Variants in RNF149 observed in about 807,000 individuals in gnomAD.
RNF149 encodes ring finger protein 149.
A neutral mutation model predicts 39.0 loss-of-function variants in RNF149; 21 were observed. The ratio of observed to expected loss-of-function variants is 0.54; its 90% CI spans 0.38 to 0.77. The LOEUF is 0.77. Ranked by LOEUF, RNF149 falls within the 30% of genes least tolerant of loss-of-function variation. The pLI is 0.00. For synonymous variants in RNF149, 209 were observed against 213.6 expected, an observed-to-expected ratio of 0.98 and a Z score of 0.19; for missense variants, 493 against 534.9, an observed-to-expected ratio of 0.92 and a Z score of 0.77.
At chr2:101,279,894 C>T (rs973201849) in intron 6 of RNF149, among the ~76,000 whole-genome samples, 8 of 152,152 alleles carry the variant, frequency 5.3e-5, no homozygotes, top group South Asian at 2.1e-4. Context: ...CCTGAAGCAT[C>T]GATTCTTCCC....
chr2:101,297,298 T>C (rs758373922), intron 1 of RNF149, among the ~76,000 whole-genome samples: 20 of 152,112 alleles, frequency 1.3e-4, no homozygotes, highest in Non-Finnish European at 2.2e-4. Context: ...ATAAGAGTAA[T>C]AGAAAAACAA....
chr2:101,305,916 T>C (rs1683640475), intron 1 of RNF149, among the ~76,000 whole-genome samples: 1 of 152,230 alleles, frequency 6.6e-6, no homozygotes, highest in South Asian at 2.1e-4. Context: ...CACTGAGCTG[T>C]GTGGGCTGTG....
At chr2:101,280,425 T>C (rs1319862871) in intron 6 of RNF149, among the ~76,000 whole-genome samples, 1 of 152,164 alleles carries the variant, frequency 6.6e-6, no homozygotes, top group Non-Finnish European at 1.5e-5. Flanking sequence ...GTGTTTAAGA[T>C]GTTTAAGATT....
downstream of RNF149, among the ~76,000 whole-genome samples, chr2:101,274,216 C>T (rs1682246847): frequency 6.6e-6 from 1 of 152,166 alleles, no homozygotes; most frequent in Non-Finnish European, 1.5e-5. Flanking sequence ...CACATGCTTG[C>T]AATCCAACCA....
chr2:101,296,930 C>G (rs1422101862), intron 1 of RNF149, among the ~76,000 whole-genome samples: 1 of 152,090 alleles, frequency 6.6e-6, no homozygotes, highest in Non-Finnish European at 1.5e-5. Context: ...AATGGTTGGC[C>G]GGGCACGGTG....
chr2:101,302,978 C>T (rs1212294994), intron 1 of RNF149, among the ~76,000 whole-genome samples: 1 of 48,066 alleles, frequency 2.1e-5, no homozygotes, highest in Non-Finnish European at 3.9e-5. Context: ...AGACACTTGT[C>T]TCTAAAAAAA....
At chr2:101,275,500 G>A (rs1682309256), downstream of RNF149, among the ~76,000 whole-genome samples, 3 of 124,456 alleles carry the variant, frequency 2.4e-5, no homozygotes, top group South Asian at 2.7e-4. Flanking sequence ...GGAGTGCAGT[G>A]GCGGGATCTC....
chr2:101,293,988 C>G (rs745755681), intron 3 of RNF149, 26 bp downstream of exon 3: 3 of 1,397,388 alleles, frequency 2.1e-6, no homozygotes, highest in South Asian at 1.2e-5. Context: ...AACCACAAAA[C>G]AAAAGAAAAA....
At position 101,308,370 on chromosome 2, in the gene RNF149, C is replaced by G. The variant is rs755270014; in HGVS notation, c.219G>C (p.Ala73=). Reference sequence around the variant, plus strand: ...CCCACGGGACGCCCACCAGGCCATGCGCGCCCTCCTTGGGCGAGCTGTCGC... The same window carrying G: ...CCCACGGGACGCCCACCAGGCCATGGGCGCCCTCCTTGGGCGAGCTGTCGC... ...RFGDSSPKEG[A]HGLVGVPWAP... Residue 73 remains alanine (A), a synonymous_variant, in exon 1 of 7, where the codon GCG becomes GCC. Coordinates refer to ENST00000295317, the MANE Select transcript of RNF149 (RefSeq NM_173647.4). 5.6e-6 allele frequency: 9 copies of G among 1,606,894 alleles called. No individual in the cohort carries two copies. The highest frequency in any genetic ancestry group is 1.4e-5 in the African/African-American group (1 of 73,758).
At chr2:101,288,181 T>C (rs1361292683) in intron 4 of RNF149, among the ~76,000 whole-genome samples, 1 of 148,090 alleles carries the variant, frequency 6.8e-6, no homozygotes, top group South Asian at 2.2e-4. Flanking sequence ...AGCAACTTCC[T>C]GCTACTAAAA....
Position 101,276,552 on chromosome 2 carries a change from T to C in RNF149, c.*686A>G, listed in dbSNP as rs1294808149. 2.6e-5 allele frequency: 26 copies of C among 985,768 alleles called. No homozygotes were observed. Among genetic ancestry groups the C allele is most frequent in the Non-Finnish European group, 3.0e-5 (25 of 829,888 alleles). The allele number at this position is 985,768 out of a possible 1,614,324, so 61.1% of individuals were successfully genotyped here. ...AATGCTCATGTGCGATATAGAATCT[T>C]AGCTTTTTATTTGTAGGAAAAAATA... On this transcript the variant is annotated 3_prime_UTR_variant, in exon 7 of 7. Coordinates refer to ENST00000295317, the MANE Select transcript of RNF149 (RefSeq NM_173647.4).
chr2:101,296,430 C>G (rs1558790508), intron 1 of RNF149, among the ~76,000 whole-genome samples: 1 of 152,022 alleles, frequency 6.6e-6, no homozygotes, highest in South Asian at 2.1e-4. Context: ...ATAAGATGAT[C>G]AGAACAATGT....
At chr2:101,280,255 T>C (rs1682529582) in intron 6 of RNF149, among the ~76,000 whole-genome samples, 2 of 151,820 alleles carry the variant, frequency 1.3e-5, no homozygotes, top group Non-Finnish European at 2.9e-5. Flanking sequence ...AAAAGAAGAA[T>C]AAAGATGAAG....
chr2:101,276,028 A>T lies in RNF149; in HGVS notation c.*1210T>A. On this transcript the variant is annotated 3_prime_UTR_variant, in exon 7 of 7. Transcript: ENST00000295317. ...AAAGCATTAAGTAGCTTGAGAAAAT[A>T]ATCTATATAAATCTTTATATCCTAC... is the stretch of plus-strand genomic sequence containing the variant. 1 of 870,710 alleles carries T rather than the reference A, an allele frequency of 1.1e-6. No homozygotes were observed. The highest frequency in any genetic ancestry group is 1.4e-6 in the Non-Finnish European group (1 of 725,610). 53.9% of individuals were successfully genotyped at this position (870,710 alleles called of 1,614,324 possible).
chr2:101,306,060 T>C (rs1013708524), intron 1 of RNF149, among the ~76,000 whole-genome samples: 1 of 152,246 alleles, frequency 6.6e-6, no homozygotes, highest in Non-Finnish European at 1.5e-5. Flanking sequence ...AGTGGATTTC[T>C]CATGAACATC....
rs566571625 is a variant in RNF149, at chr2:101,287,237, G to A, written c.864-1060C>T. On this transcript the variant is annotated intron_variant, in intron 4 of 6. Coordinates refer to ENST00000295317, the MANE Select transcript of RNF149 (RefSeq NM_173647.4). ...CTCAGGAGGCTGAGGCAGGAGAATC[G>A]CTTGAACCCGGAAGATGGAGGTTGT... Among the ~76,000 whole-genome samples, 15 of 152,168 alleles carry A rather than the reference G, an allele frequency of 9.9e-5. No homozygotes were observed. The East Asian group carries it at 2.9e-3, about 29-fold the overall frequency.
chr2:101,301,185 A>C (rs1253819098), intron 1 of RNF149, among the ~76,000 whole-genome samples: 1 of 152,082 alleles, frequency 6.6e-6, no homozygotes, highest in East Asian at 1.9e-4. Context: ...CTTCCCCAAA[A>C]GAACCTATAC....
At position 101,279,670 on chromosome 2, in the gene RNF149, C is replaced by T. The variant is rs114496525; in HGVS notation, c.1159+2189G>A. The stretch of plus-strand genomic sequence containing the variant: ...TAGGAGAATGCCTACACAGATCAAT[C>T]GCTACAATTTTATAATTCTCTGAAA... On this transcript the variant is annotated intron_variant, in intron 6 of 6. Coordinates refer to ENST00000295317, the MANE Select transcript of RNF149 (RefSeq NM_173647.4). Among the ~76,000 whole-genome samples, 1,012 of 152,292 alleles carry T rather than the reference C, an allele frequency of 6.6e-3. 15 individuals carry two copies. Among genetic ancestry groups the T allele is most frequent in the South Asian group, 0.032 (153 of 4,830 alleles).
chr2:101,296,793 C>A (rs540712142), intron 1 of RNF149, among the ~76,000 whole-genome samples: 1 of 152,040 alleles, frequency 6.6e-6, no homozygotes, highest in South Asian at 2.1e-4. Context: ...TCAAAAAATA[C>A]ATATTGACGA....
Sources: gnomAD v4.1 joint callset for allele counts (sites outside exome capture counted in the v4.1 genomes callset) on GRCh38, gnomAD v4.1.1 for gene constraint, MANE v1.5 for transcripts, NCBI Gene and HGNC (gene_info 2026-07-23, HGNC 2026-07-21) for gene names.